Variants in RBP7 observed in about 807,000 individuals in gnomAD.
RBP7 encodes retinoid-binding protein 7.
In RBP7, 13 loss-of-function variants were observed where a neutral mutation model predicts 16.7. The observed-to-expected ratio is 0.78, with a 90% CI of 0.51 to 1.24. The LOEUF is 1.24. Ranked by LOEUF, RBP7 falls within the 50% of genes most tolerant of loss-of-function variation. The probability of loss-of-function intolerance (pLI) is 0.00; values close to 1 mark genes in which losing one functional copy is unlikely to be tolerated. For synonymous variants in RBP7, 54 were observed against 56.2 expected (o/e 0.96, Z 0.17); for missense variants, 145 against 159.5 (o/e 0.91, Z 0.49).
At chr1:10,001,279 G>A (rs975985969) in intron 1 of RBP7, among the ~76,000 whole-genome samples, 2 of 152,108 alleles carry the variant, frequency 1.3e-5, no homozygotes, top group Non-Finnish European at 2.9e-5. Flanking sequence ...TGAGAAGAAA[G>A]GCAGCTTGTC....
At chr1:10,010,053 G>A (rs553636682) in intron 3 of RBP7, among the ~76,000 whole-genome samples, 120 of 152,104 alleles carry the variant, frequency 7.9e-4, no homozygotes, top group Non-Finnish European at 1.5e-3. Context: ...TTTCAGACAA[G>A]TCAATCACTC....
intron 3 of RBP7, among the ~76,000 whole-genome samples, chr1:10,013,568 G>A (rs182499861): frequency 6.6e-6 from 1 of 152,126 alleles, no homozygotes; most frequent in East Asian, 1.9e-4. Context: ...CAGAATTTTG[G>A]AAGGTCGGGG....
chr1:10,004,572 T>A (rs1036763369), intron 1 of RBP7, among the ~76,000 whole-genome samples: 2 of 151,900 alleles, frequency 1.3e-5, no homozygotes, highest in African/African-American at 4.8e-5. Flanking sequence ...ACGGGGTTTC[T>A]CCATATTGGT....
Position 10,008,318 on chromosome 1 carries a change from A to C in RBP7, c.354+44A>C. 3.1e-6 allele frequency: 4 copies of C among 1,298,560 alleles called. No individual in the cohort carries two copies. In the South Asian group the frequency reaches 4.8e-5, roughly 15 times the overall value. 80.4% of individuals were successfully genotyped at this position (1,298,560 alleles called of 1,614,324 possible). A position where few individuals can be genotyped will look rare whatever the true frequency, so the allele number is the denominator to read the frequency against. On this transcript the variant is annotated intron_variant, in intron 3 of 3. Transcript: ENST00000294435. ...TCTTAATGAGATGATACAGTATTAA[A>C]GGAAACATCAGGCCAAGCGTGGTGG...
At chr1:10,012,305 C>T (rs552323408) in intron 3 of RBP7, among the ~76,000 whole-genome samples, 6 of 150,628 alleles carry the variant, frequency 4.0e-5, no homozygotes, top group East Asian at 2.0e-4. Flanking sequence ...CGCTTGAACC[C>T]GGGAGGCAGA....
chr1:10,012,638 A>G (rs1365026397), intron 3 of RBP7, among the ~76,000 whole-genome samples: 4 of 151,530 alleles, frequency 2.6e-5, no homozygotes, highest in East Asian at 3.9e-4. Flanking sequence ...AAAAAAAAAA[A>G]AAAGAAAAGG....
intron 3 of RBP7, among the ~76,000 whole-genome samples, chr1:10,010,695 T>G (rs774628395): frequency 1.3e-5 from 2 of 151,866 alleles, no homozygotes; most frequent in Non-Finnish European, 2.9e-5. Flanking sequence ...ACGATTTTCC[T>G]GCCTCAGCCT....
chr1:10,006,788 T>C (rs1328444230), intron 1 of RBP7, among the ~76,000 whole-genome samples: 1 of 150,402 alleles, frequency 6.6e-6, no homozygotes, highest in Non-Finnish European at 1.5e-5. Flanking sequence ...GAGAGAGGTA[T>C]ATACATGAAT....
Position 10,015,911 on chromosome 1 carries a change from A to C in RBP7, c.*79A>C, listed in dbSNP as rs1642764087. The stretch of plus-strand genomic sequence containing the variant: ...TTGCAGACTGAACAGACGTTTATCT[A>C]TCCCATTTGGCGACGAGGACTCGTG... On this transcript the variant is annotated 3_prime_UTR_variant, in exon 4 of 4. Coordinates refer to ENST00000294435, the MANE Select transcript of RBP7 (RefSeq NM_052960.3). 7.1e-7 allele frequency: 1 copy of C among 1,404,478 alleles called. No homozygotes were observed. The highest frequency in any genetic ancestry group is 1.4e-5 in the African/African-American group (1 of 71,140). The allele number at this position is 1,404,478 out of a possible 1,614,324, so 87.0% of individuals were successfully genotyped here.
chr1:9,997,377 C>G lies in RBP7; in HGVS notation c.73+46C>G. 6.3e-7 allele frequency: 1 copy of G among 1,586,994 alleles called. No individual in the cohort carries two copies. The highest frequency in any genetic ancestry group is 8.6e-7 in the Non-Finnish European group (1 of 1,159,874). On this transcript the variant is annotated intron_variant, in intron 1 of 3. Transcript: ENST00000294435. The surrounding 1 kb of genome is among the most constrained non-coding windows in gnomAD (Gnocchi z 5.9). ...CGGCGGCGCGAGGCTCGCCGTGGGT[C>G]TCGGGATCAGGCGAAGGCGGCCGGG...
At chr1:10,012,671 A>AC (rs1411925604) in intron 3 of RBP7, among the ~76,000 whole-genome samples, 95 of 151,402 alleles carry the variant, frequency 6.3e-4, no homozygotes, top group Non-Finnish European at 2.9e-5. Context: ...GGTGGCTCAC[A>AC]CCTGTAATCC....
At chr1:9,999,655 C>T (rs1020582661) in intron 1 of RBP7, among the ~76,000 whole-genome samples, 29 of 152,194 alleles carry the variant, frequency 1.9e-4, no homozygotes, top group Non-Finnish European at 4.0e-4. Context: ...ATCCAGAAAC[C>T]CTTAAATCCA....
chr1:10,009,390 CAG>C (rs1053837007), intron 3 of RBP7, among the ~76,000 whole-genome samples: 39 of 151,882 alleles, frequency 2.6e-4, no homozygotes, highest in African/African-American at 8.9e-4. Context: ...GGCCTGGTGA[CAG>C]AGGCCGTTTC....
At chr1:10,010,403 A>G (rs761773398) in intron 3 of RBP7, among the ~76,000 whole-genome samples, 6 of 151,520 alleles carry the variant, frequency 4.0e-5, no homozygotes, top group Non-Finnish European at 5.9e-5. Flanking sequence ...GGCGTGAGCC[A>G]CTGTGCCTGG....
chr1:10,011,983 C>T (rs912284306), intron 3 of RBP7, among the ~76,000 whole-genome samples: 4 of 151,990 alleles, frequency 2.6e-5, no homozygotes, highest in African/African-American at 9.7e-5. Context: ...GGGTGGATCA[C>T]TTGAGGTCGG....
At position 10,007,749 on chromosome 1, in the gene RBP7, G is replaced by T; in HGVS notation, c.252+1G>T. ...AGGCCTGGACAACAGAAAATGCAAG[G>T]TAAAATGTAAAGAAATGCCAGGTGC... On this transcript the variant is annotated splice_donor_variant, in intron 2 of 3. Transcript: ENST00000294435. LOFTEE classifies it high-confidence loss of function. 6.2e-7 allele frequency: 1 copy of T among 1,610,198 alleles called. No individual in the cohort carries two copies. The highest frequency in any genetic ancestry group is 8.5e-7 in the Non-Finnish European group (1 of 1,178,778).
intron 1 of RBP7, among the ~76,000 whole-genome samples, chr1:10,001,865 G>A (rs934697917): frequency 6.6e-5 from 10 of 151,314 alleles, no homozygotes; most frequent in African/African-American, 2.4e-4. Context: ...GTCTCCCTTT[G>A]TTGCCCAGTC....
In RBP7 at chr1:9,997,617, C is replaced by T. The variant is rs1347324024; in HGVS notation, c.73+286C>T. 6.6e-6 allele frequency among the ~76,000 whole-genome samples: 1 copy of T among 151,992 alleles called. No individual in the cohort carries two copies. Among genetic ancestry groups the T allele is most frequent in the Non-Finnish European group, 1.5e-5 (1 of 67,980 alleles). ...CTCTGTTCCCCCGGCCGTCGGTCCCCCACCCGTCCGTCCCTGAGTGCCCGC... is the reference window on the plus strand; with the variant it reads ...CTCTGTTCCCCCGGCCGTCGGTCCCTCACCCGTCCGTCCCTGAGTGCCCGC... On this transcript the variant is annotated intron_variant, in intron 1 of 3. Coordinates refer to ENST00000294435, the MANE Select transcript of RBP7 (RefSeq NM_052960.3). This position sits in a 1 kb window ranked among gnomAD's most constrained non-coding sequence, Gnocchi z 5.9.
In RBP7 at chr1:9,997,924, G is replaced by A. The variant is rs1005374090; in HGVS notation, c.73+593G>A. Among the ~76,000 whole-genome samples the A allele has an allele frequency of 3.9e-5, 6 of 152,144 alleles. No individual in the cohort carries two copies. The highest frequency in any genetic ancestry group is 1.3e-4 in the Admixed American group (2 of 15,282). On this transcript the variant is annotated intron_variant, in intron 1 of 3. Transcript: ENST00000294435. This position sits in a 1 kb window ranked among gnomAD's most constrained non-coding sequence, Gnocchi z 5.9. ...AGGTCCGGGCACCCGCGGGAGTGCA[G>A]AGCCTGGTTCGGCCCGGGGCGTGCC...
Sources: allele counts gnomAD v4.1 joint callset (sites outside exome capture counted in the v4.1 genomes callset), GRCh38; gene constraint gnomAD v4.1.1; non-coding constraint Gnocchi (gnomAD v3.1); transcripts MANE v1.5; gene names NCBI Gene and HGNC (gene_info 2026-07-23, HGNC 2026-07-21).